Variants in PRKCH observed in about 807,000 individuals in gnomAD.
The protein encoded by PRKCH is protein kinase C eta, also known as protein kinase C eta type.
PRKCH carries 28 observed loss-of-function variants against 82.5 expected under a neutral mutation model. That is an observed-to-expected ratio of 0.34 (90% CI 0.25 to 0.47). The LOEUF (loss-of-function observed/expected upper bound fraction) is 0.47, where lower values mean the gene tolerates loss of function less well. PRKCH is among the 20% of genes least tolerant of loss of function. PRKCH has a pLI of 1.00. For missense variants in PRKCH, 705 were observed against 881.8 expected (o/e 0.80, Z 2.54); for synonymous variants, 322 against 327.4 (o/e 0.98, Z 0.18).
intron 10 of PRKCH, among the ~76,000 whole-genome samples, chr14:61,497,158 T>G (rs1886704461): frequency 6.6e-6 from 1 of 152,162 alleles, no homozygotes; most frequent in Non-Finnish European, 1.5e-5. Flanking sequence ...TTAACGACTT[T>G]TAGAGCTGGC....
intron 4 of PRKCH, 58 bp downstream of exon 4, chr14:61,445,784 T>G (rs1884191340): frequency 6.6e-7 from 1 of 1,509,728 alleles, no homozygotes; most frequent in Non-Finnish European, 9.2e-7. Context: ...AAGAAATGAT[T>G]ATACCAAGAG....
At chr14:61,375,978 C>T (rs1185438301) in intron 1 of PRKCH, among the ~76,000 whole-genome samples, 1 of 149,146 alleles carries the variant, frequency 6.7e-6, no homozygotes, top group Non-Finnish European at 1.5e-5. Context: ...GATCATGCCA[C>T]TGCACTCCAG....
At chr14:61,459,276 T>C (rs76199319) in intron 9 of PRKCH, among the ~76,000 whole-genome samples, 4,347 of 152,302 alleles carry the variant, frequency 0.029, 225 homozygotes, top group East Asian at 0.26. Flanking sequence ...GGCATCTGAC[T>C]GGTCAGGGAG....
At chr14:61,236,713 A>AAAAC (rs1425306285) in intron 1 of PRKCH, among the ~76,000 whole-genome samples, 1 of 143,688 alleles carries the variant, frequency 7.0e-6, no homozygotes, top group Admixed American at 6.9e-5. Flanking sequence ...CTCAAAACAA[A>AAAAC]AAAAAAAAAA....
At chr14:61,457,768 A>G (rs1211134534) in intron 9 of PRKCH, 89 bp downstream of exon 9, 2 of 1,527,860 alleles carry the variant, frequency 1.3e-6, no homozygotes, top group South Asian at 2.5e-5. Flanking sequence ...AAAGTTGAGT[A>G]TCAGAAATTT....
chr14:61,297,497 G>A (rs2045415076), intron 1 of PRKCH, among the ~76,000 whole-genome samples: 1 of 152,098 alleles, frequency 6.6e-6, no homozygotes, highest in African/African-American at 2.4e-5. Flanking sequence ...CTGCTGCAGT[G>A]GTCTCCAACC....
intron 10 of PRKCH, among the ~76,000 whole-genome samples, chr14:61,499,388 A>G (rs1886800691): frequency 2.6e-5 from 4 of 152,146 alleles, no homozygotes; most frequent in Non-Finnish European, 5.9e-5. Context: ...AGTTAGTGAA[A>G]CCTAACAGGC....
At chr14:61,287,419 A>G (rs1487546807) in intron 1 of PRKCH, among the ~76,000 whole-genome samples, 1 of 151,808 alleles carries the variant, frequency 6.6e-6, no homozygotes, top group Non-Finnish European at 1.5e-5. Context: ...TTGACTCAGA[A>G]GTGAATTAGG....
intron 10 of PRKCH, among the ~76,000 whole-genome samples, chr14:61,496,653 A>G (rs1886680533): frequency 6.6e-6 from 1 of 152,192 alleles, no homozygotes; most frequent in Admixed American, 6.5e-5. Flanking sequence ...GCCCCTGTGC[A>G]TATGGGTTCA....
intron 1 of PRKCH, among the ~76,000 whole-genome samples, chr14:61,346,076 T>C (rs2045988560): frequency 6.6e-6 from 1 of 152,164 alleles, no homozygotes; most frequent in Non-Finnish European, 1.5e-5. Flanking sequence ...TAAGAGTTGA[T>C]AGGGCCCTGG....
chr14:61,393,513 T>G (rs1957907), intron 2 of PRKCH, among the ~76,000 whole-genome samples: 131,112 of 152,178 alleles, frequency 0.86, 57,332 homozygotes, highest in Non-Finnish European at 0.94. Flanking sequence ...TAATTTTATG[T>G]CACTCAAGCT....
intron 1 of PRKCH, among the ~76,000 whole-genome samples, chr14:61,246,144 A>T (rs1354820842): frequency 1.3e-5 from 2 of 151,836 alleles, no homozygotes; most frequent in Non-Finnish European, 2.9e-5. Context: ...GGTGGCTCAC[A>T]CCTATAATCC....
chr14:61,407,100 G>A (rs1351282809), intron 2 of PRKCH, among the ~76,000 whole-genome samples: 1 of 152,144 alleles, frequency 6.6e-6, no homozygotes, highest in Non-Finnish European at 1.5e-5. Flanking sequence ...GGCAGGAATA[G>A]GGTAGTTTTA....
intron 2 of PRKCH, among the ~76,000 whole-genome samples, chr14:61,435,340 A>C (rs1408079470): frequency 6.6e-6 from 1 of 152,232 alleles, no homozygotes; most frequent in Non-Finnish European, 1.5e-5. Context: ...AGAGTAGAAC[A>C]AGGATAAGCA....
chr14:61,397,158 G>A (rs2046798342), intron 2 of PRKCH, among the ~76,000 whole-genome samples: 1 of 152,114 alleles, frequency 6.6e-6, no homozygotes, highest in Admixed American at 6.5e-5. Context: ...GGGGTGGAGA[G>A]GAGGGGGACA....
At chr14:61,416,175 C>T (rs1882551103) in intron 2 of PRKCH, among the ~76,000 whole-genome samples, 1 of 151,198 alleles carries the variant, frequency 6.6e-6, no homozygotes, top group African/African-American at 2.4e-5. Context: ...TCCCACCCAG[C>T]TTCCTGAGTA....
chr14:61,250,342 A>T (rs964394090), intron 1 of PRKCH, among the ~76,000 whole-genome samples: 2 of 152,270 alleles, frequency 1.3e-5, no homozygotes, highest in Admixed American at 6.5e-5. Context: ...GACAATGAAG[A>T]TGCCCTTCAG....
At chr14:61,301,821 A>G (rs1208645561) in intron 1 of PRKCH, among the ~76,000 whole-genome samples, 2 of 152,214 alleles carry the variant, frequency 1.3e-5, no homozygotes, top group Non-Finnish European at 2.9e-5. Context: ...AGCCTTGGTG[A>G]CAGAATGAGA....
intron 1 of PRKCH, among the ~76,000 whole-genome samples, chr14:61,200,895 G>A (rs148421693): frequency 8.9e-4 from 136 of 152,122 alleles, no homozygotes; most frequent in Admixed American, 2.6e-3. Context: ...CGGAGGTTTC[G>A]GGCATCCATT....
Sources: allele counts gnomAD v4.1 joint callset (sites outside exome capture counted in the v4.1 genomes callset), GRCh38; gene constraint gnomAD v4.1.1; transcripts MANE v1.5; gene names NCBI Gene and HGNC (gene_info 2026-07-23, HGNC 2026-07-21).